PABPC4L: variants seen among roughly 807,000 people sequenced by gnomAD.
PABPC4L encodes the protein polyadenylate-binding protein 4-like.
For missense variants in PABPC4L, 452 were observed against 451.4 expected (o/e 1.00, Z -0.01); for synonymous variants, 169 against 164.1 (o/e 1.03, Z -0.23).
the PABPC4L span, among the ~76,000 whole-genome samples, chr4:134,180,186 C>T: frequency 6.6e-6 from 1 of 151,960 alleles, no homozygotes; most frequent in African/African-American, 2.4e-5. Flanking sequence ...AAAATCATAC[C>T]AACCAGGATC....
At chr4:134,193,120 TGCCGTAGTGTATGCACTTTGTAA>T (rs1200778516), downstream of PABPC4L, among the ~76,000 whole-genome samples, 1 of 152,088 alleles carries the variant, frequency 6.6e-6, no homozygotes, top group Non-Finnish European at 1.5e-5. Flanking sequence ...AGTTTTGTGC[TGCCGTAGTGTATGCACTTTGTAA>T]GCCAATACCC....
At chr4:134,079,339 TG>T in the PABPC4L span, among the ~76,000 whole-genome samples, 1 of 151,102 alleles carries the variant, frequency 6.6e-6, no homozygotes, top group Admixed American at 6.6e-5. Context: ...TCCAGCACTT[TG>T]GGAGGCTGAG....
At chr4:133,986,284 T>A in the PABPC4L span, among the ~76,000 whole-genome samples, 4 of 152,050 alleles carry the variant, frequency 2.6e-5, no homozygotes, top group East Asian at 7.7e-4. Flanking sequence ...AAATTATCCC[T>A]TTGAATACTT....
the PABPC4L span, among the ~76,000 whole-genome samples, chr4:134,121,829 T>A: frequency 6.6e-6 from 1 of 151,820 alleles, no homozygotes; most frequent in Non-Finnish European, 1.5e-5. Flanking sequence ...TGCATCCTTG[T>A]ACTCCAATAT....
the PABPC4L span, among the ~76,000 whole-genome samples, chr4:134,036,147 G>T: frequency 2.0e-5 from 3 of 152,006 alleles, no homozygotes; most frequent in African/African-American, 4.8e-5. Flanking sequence ...TGAATAAGCT[G>T]TAAATAGATA....
the PABPC4L span, among the ~76,000 whole-genome samples, chr4:134,190,797 GCA>G: frequency 6.6e-6 from 1 of 151,986 alleles, no homozygotes; most frequent in Non-Finnish European, 1.5e-5. Flanking sequence ...AGTTACAGGT[GCA>G]CCTCACCACG....
the PABPC4L span, among the ~76,000 whole-genome samples, chr4:134,148,529 A>G: frequency 1.3e-5 from 2 of 152,128 alleles, no homozygotes; most frequent in African/African-American, 4.8e-5. Flanking sequence ...CGGCTAGTCC[A>G]GAGTACTTTC....
chr4:134,189,413 C>T, the PABPC4L span, among the ~76,000 whole-genome samples: 1 of 151,782 alleles, frequency 6.6e-6, no homozygotes, highest in South Asian at 2.1e-4. Context: ...CACACACATA[C>T]ACACATATAC....
chr4:134,170,987 C>A, the PABPC4L span, among the ~76,000 whole-genome samples: 14 of 152,112 alleles, frequency 9.2e-5, 1 homozygote, highest in Non-Finnish European at 2.9e-5. Context: ...TGCAACCTTG[C>A]CAGCATTTGT....
the PABPC4L span, among the ~76,000 whole-genome samples, chr4:134,104,128 G>A: frequency 1.3e-5 from 2 of 151,740 alleles, no homozygotes; most frequent in African/African-American, 4.8e-5. Flanking sequence ...TACCCTTCCA[G>A]TATCACCAAT....
chr4:134,103,627 T>G, the PABPC4L span, among the ~76,000 whole-genome samples: 1 of 151,750 alleles, frequency 6.6e-6, no homozygotes. Context: ...TCTGATGTAC[T>G]GGGTATTAGG....
Position 134,200,487 on chromosome 4 carries a change from C to G in PABPC4L, c.533G>C (p.Arg178Pro). ...FVGRFKNRKDREAELRSKASE... is the reference protein window; with the variant it reads ...FVGRFKNRKDPEAELRSKASE... ...GGCTTTGCTTCTGAGTTCAGCTTCA[C>G]GATCTTTTCGGTTTTTGAATCTGCC... The change falls in exon 2 of 2, where the codon CGT becomes CCT. Residue 178 changes from arginine (R) to proline (P), a missense_variant. Coordinates refer to ENST00000421491, the MANE Select transcript of PABPC4L (RefSeq NM_001114734.2). The G allele has an allele frequency of 1.3e-6, 2 of 1,551,612 alleles. No homozygotes were observed. Among genetic ancestry groups the G allele is most frequent in the Non-Finnish European group, 1.7e-6 (2 of 1,146,980 alleles).
At chr4:133,972,161 TC>T in the PABPC4L span, among the ~76,000 whole-genome samples, 1 of 152,292 alleles carries the variant, frequency 6.6e-6, no homozygotes, top group Non-Finnish European at 1.5e-5. Flanking sequence ...CAGATGGAGC[TC>T]CTTATAACCC....
the PABPC4L span, among the ~76,000 whole-genome samples, chr4:133,968,835 A>G: frequency 1.3e-5 from 2 of 152,242 alleles, no homozygotes; most frequent in Admixed American, 1.3e-4. Flanking sequence ...ATCTCAAGCC[A>G]TACAAGAGTG....
At chr4:134,039,381 T>C in the PABPC4L span, among the ~76,000 whole-genome samples, 3 of 152,274 alleles carry the variant, frequency 2.0e-5, no homozygotes, top group Non-Finnish European at 2.9e-5. Flanking sequence ...ATAACATTGT[T>C]AATTTTCTGT....
downstream of PABPC4L, among the ~76,000 whole-genome samples, chr4:134,193,602 G>A (rs1280027392): frequency 6.6e-6 from 1 of 151,810 alleles, no homozygotes; most frequent in Non-Finnish European, 1.5e-5. Flanking sequence ...ATTTCAATTT[G>A]GCTCCCAAAT....
the PABPC4L span, among the ~76,000 whole-genome samples, chr4:134,022,802 T>C: frequency 3.9e-5 from 6 of 152,066 alleles, no homozygotes; most frequent in Non-Finnish European, 8.8e-5. Context: ...AGTGACTTTC[T>C]ATTTTTCCCC....
chr4:134,177,367 G>A, the PABPC4L span, among the ~76,000 whole-genome samples: 7 of 151,714 alleles, frequency 4.6e-5, no homozygotes, highest in Non-Finnish European at 8.8e-5. Context: ...GTAGAGACGG[G>A]GTTTCACCAT....
At chr4:134,009,213 T>C in the PABPC4L span, among the ~76,000 whole-genome samples, 1 of 151,902 alleles carries the variant, frequency 6.6e-6, no homozygotes, top group Non-Finnish European at 1.5e-5. Flanking sequence ...ACAATTATTT[T>C]TAACTAGAGA....
Sources: allele counts gnomAD v4.1 joint callset (sites outside exome capture counted in the v4.1 genomes callset), GRCh38; gene constraint gnomAD v4.1.1; transcripts MANE v1.5; gene names NCBI Gene and HGNC (gene_info 2026-07-23, HGNC 2026-07-21).